The following AUTS2 variants were observed in gnomAD, a reference collection of about 807,000 sequenced individuals.
AUTS2 encodes autism susceptibility gene 2 protein.
AUTS2 carries 17 observed loss-of-function variants against 112.4 expected under a neutral mutation model. The observed-to-expected ratio is 0.15, with a 90% CI of 0.10 to 0.23. The LOEUF is 0.23. Among genes scored for constraint, AUTS2 ranks in the 10% least tolerant of loss-of-function variants. The probability of loss-of-function intolerance (pLI) is 1.00; values close to 1 mark genes in which losing one functional copy is unlikely to be tolerated. For missense variants in AUTS2, 1,510 were observed against 1,701.6 expected (o/e 0.89, Z 1.98); for synonymous variants, 751 against 702.7 (o/e 1.07, Z -1.09).
chr7:70,059,947 A>G (rs980420026), intron 2 of AUTS2, among the ~76,000 whole-genome samples: 3 of 152,198 alleles, frequency 2.0e-5, no homozygotes, highest in Non-Finnish European at 4.4e-5. Context: ...ATTAAACAGT[A>G]CTTTTTACAG....
At chr7:69,741,503 G>A (rs1272776546) in intron 1 of AUTS2, among the ~76,000 whole-genome samples, 4 of 152,052 alleles carry the variant, frequency 2.6e-5, no homozygotes, top group Non-Finnish European at 5.9e-5. Flanking sequence ...CCAGGAGTTC[G>A]AGACCAGCCT....
At chr7:70,786,611 T>A (rs1791501376) in intron 17 of AUTS2, among the ~76,000 whole-genome samples, 2 of 152,302 alleles carry the variant, frequency 1.3e-5, no homozygotes, top group Admixed American at 1.3e-4. Flanking sequence ...TAAACATTAG[T>A]GTTTAGTCGC....
chr7:70,620,761 C>T (rs991241750), intron 5 of AUTS2, among the ~76,000 whole-genome samples: 2 of 152,196 alleles, frequency 1.3e-5, no homozygotes, highest in African/African-American at 2.4e-5. Flanking sequence ...CCACTGGGCT[C>T]CATTTCTCCC....
chr7:70,416,840 C>T (rs904790715), intron 4 of AUTS2, among the ~76,000 whole-genome samples: 7 of 152,302 alleles, frequency 4.6e-5, no homozygotes, highest in African/African-American at 1.7e-4. Context: ...TGCTCCCCTC[C>T]TCTGACACAC....
intron 4 of AUTS2, among the ~76,000 whole-genome samples, chr7:70,326,809 A>G (rs1405701156): frequency 6.6e-6 from 1 of 152,002 alleles, no homozygotes; most frequent in African/African-American, 2.4e-5. Context: ...CTCAAGTCAC[A>G]TTGGCATGCT....
intron 8 of AUTS2, among the ~76,000 whole-genome samples, chr7:70,765,743 G>A (rs1248717034): frequency 6.6e-6 from 1 of 152,160 alleles, no homozygotes; most frequent in Non-Finnish European, 1.5e-5. Context: ...CATGAGTTAG[G>A]CAATATTATT....
intron 2 of AUTS2, among the ~76,000 whole-genome samples, chr7:70,009,903 A>C (rs1293122559): frequency 6.6e-6 from 1 of 152,136 alleles, no homozygotes; most frequent in Non-Finnish European, 1.5e-5. Flanking sequence ...AAGAATTTGC[A>C]TATCTACCTT....
intron 4 of AUTS2, among the ~76,000 whole-genome samples, chr7:70,432,155 A>G (rs1229523108): frequency 6.6e-6 from 1 of 152,198 alleles, no homozygotes; most frequent in Non-Finnish European, 1.5e-5. Context: ...TTAGTGTGCA[A>G]CCTGTTTGCT....
At chr7:69,805,503 G>A (rs972567629) in intron 1 of AUTS2, among the ~76,000 whole-genome samples, 12 of 152,044 alleles carry the variant, frequency 7.9e-5, no homozygotes, top group Non-Finnish European at 8.8e-5. Flanking sequence ...TGGGTAGGAT[G>A]GTACAGGAAT....
intron 1 of AUTS2, among the ~76,000 whole-genome samples, chr7:69,620,134 A>G (rs1265587249): frequency 6.6e-6 from 1 of 152,200 alleles, no homozygotes; most frequent in Non-Finnish European, 1.5e-5. Context: ...GTAAGGTTCA[A>G]GCTTAGGGGA....
intron 1 of AUTS2, among the ~76,000 whole-genome samples, chr7:69,805,935 G>C (rs947741279): frequency 2.6e-5 from 4 of 152,230 alleles, no homozygotes; most frequent in East Asian, 1.9e-4. Context: ...GTCTTACTCT[G>C]TTGCCCAGGC....
chr7:70,242,213 C>T (rs1812649832), intron 4 of AUTS2, among the ~76,000 whole-genome samples: 1 of 152,186 alleles, frequency 6.6e-6, no homozygotes, highest in Admixed American at 6.5e-5. Context: ...AACTTGTAAA[C>T]CTCCATACTG....
At chr7:69,785,674 A>G (rs1789338420) in intron 1 of AUTS2, among the ~76,000 whole-genome samples, 1 of 152,230 alleles carries the variant, frequency 6.6e-6, no homozygotes, top group Non-Finnish European at 1.5e-5. Context: ...TTGCTCTGAT[A>G]AACAGGAGTT....
chr7:70,526,050 G>C (rs977394676), intron 5 of AUTS2, among the ~76,000 whole-genome samples: 7 of 151,762 alleles, frequency 4.6e-5, no homozygotes, highest in African/African-American at 1.7e-4. Flanking sequence ...ATCCTACCTA[G>C]AGAAAAAAAA....
intron 1 of AUTS2, among the ~76,000 whole-genome samples, chr7:69,680,716 C>T (rs1796752951): frequency 6.6e-6 from 1 of 152,096 alleles, no homozygotes; most frequent in African/African-American, 2.4e-5. Flanking sequence ...GTTGCTCAGG[C>T]TGGAGTGCAG....
chr7:70,184,845 G>A lies in AUTS2; in HGVS notation c.660+50274G>A, dbSNP rs111986246. On this transcript the variant is annotated intron_variant, in intron 4 of 18. Transcript: ENST00000342771. The stretch of plus-strand genomic sequence containing the variant: ...ATTTATAATACAAAATTTCTTTTTT[G>A]TGGTTGAGCTAGATACAGATATTTT... Among the ~76,000 whole-genome samples, 243 of 152,210 alleles carry A rather than the reference G, an allele frequency of 1.6e-3. 6 individuals are homozygous for A. The highest frequency in any genetic ancestry group is 5.5e-3 in the African/African-American group (229 of 41,544).
rs145046600 is a variant in AUTS2, at chr7:70,675,356, G to A, written c.691-23213G>A. Among the ~76,000 whole-genome samples the A allele has an allele frequency of 6.5e-3, 983 of 152,216 alleles. 3 individuals are homozygous for A. The highest frequency in any genetic ancestry group is 9.1e-3 in the Non-Finnish European group (620 of 67,994). On this transcript the variant is annotated intron_variant, in intron 5 of 18. Coordinates refer to ENST00000342771, the MANE Select transcript of AUTS2 (RefSeq NM_015570.4). ...AAAATTATAAAAATTAGCCAGGTGT[G>A]GTGGTGCATGCCTGTAATCCCAGCT...
intron 6 of AUTS2, among the ~76,000 whole-genome samples, chr7:70,751,516 C>T (rs115535391): frequency 4.3e-4 from 66 of 152,272 alleles, no homozygotes; most frequent in African/African-American, 1.5e-3. Context: ...CTAACATTTT[C>T]CCCATTGTCT....
rs376632941 is a variant in AUTS2 at position 69,943,097 on chromosome 7, T to C, written c.522+43599T>C. Among the ~76,000 whole-genome samples the C allele has an allele frequency of 7.2e-5, 11 of 152,220 alleles. No homozygotes were observed. In the South Asian group the frequency reaches 2.3e-3, roughly 32 times the overall value. On this transcript the variant is annotated intron_variant, in intron 2 of 18. Coordinates refer to ENST00000342771, the MANE Select transcript of AUTS2 (RefSeq NM_015570.4). ...TTGATATGTGTTTGCGTTATATATGTATGTATTCACACAGAGCATGCATAT... is the reference window on the plus strand; with the variant it reads ...TTGATATGTGTTTGCGTTATATATGCATGTATTCACACAGAGCATGCATAT...
Sources: allele counts gnomAD v4.1 joint callset (sites outside exome capture counted in the v4.1 genomes callset), GRCh38; gene constraint gnomAD v4.1.1; transcripts MANE v1.5; gene names NCBI Gene and HGNC (gene_info 2026-07-23, HGNC 2026-07-21).